The following PIP4K2A variants were observed in gnomAD, a reference collection of about 807,000 sequenced individuals.
PIP4K2A encodes the protein phosphatidylinositol-5-phosphate 4-kinase type 2 alpha.
Under a neutral mutation model 42.9 loss-of-function variants are expected in PIP4K2A, and 14 were observed. The ratio of observed to expected loss-of-function variants is 0.33; its 90% confidence interval spans 0.22 to 0.51. The LOEUF is 0.51. PIP4K2A is among the 20% of genes least tolerant of loss of function. PIP4K2A has a pLI of 0.97. For missense variants in PIP4K2A, 434 were observed against 519.8 expected (o/e 0.83, Z 1.61); for synonymous variants, 192 against 192.2 (o/e 1.00, Z 0.01).
At chr10:22,640,011 TGTC>T (rs1363410815) in intron 1 of PIP4K2A, among the ~76,000 whole-genome samples, 11 of 123,948 alleles carry the variant, frequency 8.9e-5, no homozygotes, top group African/African-American at 3.6e-4. Flanking sequence ...ATGGATGTGT[TGTC>T]TTTTTTTTTT....
At chr10:22,613,095 G>T (rs150679898) in intron 1 of PIP4K2A, among the ~76,000 whole-genome samples, 1 of 152,262 alleles carries the variant, frequency 6.6e-6, no homozygotes, top group Non-Finnish European at 1.5e-5. Context: ...GGAGTGAAGG[G>T]AAAAGGGGGT....
chr10:22,656,779 A>G (rs964246837), intron 1 of PIP4K2A, among the ~76,000 whole-genome samples: 1 of 151,216 alleles, frequency 6.6e-6, no homozygotes, highest in African/African-American at 2.4e-5. Flanking sequence ...CCTGGGTGAG[A>G]AGAGCCAGAC....
intron 8 of PIP4K2A, among the ~76,000 whole-genome samples, chr10:22,540,427 T>C (rs1269442015): frequency 6.6e-6 from 1 of 152,132 alleles, no homozygotes; most frequent in African/African-American, 2.4e-5. Context: ...TGAAGAAATA[T>C]GCTATTTAAA....
intron 6 of PIP4K2A, among the ~76,000 whole-genome samples, chr10:22,552,814 T>C (rs1226058274): frequency 6.6e-6 from 1 of 151,892 alleles, no homozygotes; most frequent in Non-Finnish European, 1.5e-5. Flanking sequence ...TGGGTGGGGG[T>C]GTTAAGGATA....
chr10:22,609,440 A>G (rs1837982779), intron 2 of PIP4K2A, among the ~76,000 whole-genome samples, 180 bp downstream of exon 2: 1 of 152,264 alleles, frequency 6.6e-6, no homozygotes. Flanking sequence ...AAAGGATATT[A>G]TCCCAGAGAG....
intron 1 of PIP4K2A, among the ~76,000 whole-genome samples, chr10:22,631,195 G>C (rs886146924): frequency 1.3e-5 from 2 of 152,150 alleles, no homozygotes; most frequent in African/African-American, 2.4e-5. Context: ...TGTAAATAGT[G>C]ATAATAACAG....
chr10:22,635,943 T>G (rs1437101528), intron 1 of PIP4K2A, among the ~76,000 whole-genome samples: 1 of 152,224 alleles, frequency 6.6e-6, no homozygotes, highest in Non-Finnish European at 1.5e-5. Context: ...TGTCCACAGA[T>G]TATTCATGTG....
intron 1 of PIP4K2A, among the ~76,000 whole-genome samples, chr10:22,675,826 C>G (rs1839546865): frequency 6.6e-6 from 1 of 152,192 alleles, no homozygotes; most frequent in Non-Finnish European, 1.5e-5. Context: ...TAGTTCCTGG[C>G]TGTCATCCTT....
At position 22,574,142 on chromosome 10, in the gene PIP4K2A, C is replaced by T. The variant is rs571324515; in HGVS notation, c.493-685G>A. Among the ~76,000 whole-genome samples the T allele has an allele frequency of 3.3e-5, 5 of 151,974 alleles. No individual in the cohort carries two copies. In the South Asian group the frequency reaches 1.0e-3, roughly 32 times the overall value. ...ACCTTGGCTGTTTTTCATGACCAAA[C>T]TCCAGAGGGCCACAAGATGGAGCCA... is the stretch of plus-strand genomic sequence containing the variant. On this transcript the variant is annotated intron_variant, in intron 4 of 9. Coordinates refer to ENST00000376573, the MANE Select transcript of PIP4K2A (RefSeq NM_005028.5).
rs57671642 is a variant in PIP4K2A, at chr10:22,627,591, TAAAAAAAAAAAAAAAAA to T, written c.145-17891_145-17875del. Among the ~76,000 whole-genome samples the T allele has an allele frequency of 4.5e-3, 254 of 57,032 alleles. 1 individual carries two copies. The highest frequency in any genetic ancestry group is 0.031 in the Admixed American group (106 of 3,416). 37.4% of individuals were successfully genotyped at this position (57,032 alleles called of 152,430 possible). On this transcript the variant is annotated intron_variant, in intron 1 of 9. Transcript: ENST00000376573. The stretch of plus-strand genomic sequence containing the variant: ...TGTTTAACCAAAAGCTAATATGTAA[TAAAAAAAAAAAAAAAAA>T]AAAAAAAAAAAAAAAAAAAAAAAGA...
chr10:22,667,637 G>A (rs1839373374), intron 1 of PIP4K2A, among the ~76,000 whole-genome samples: 1 of 152,030 alleles, frequency 6.6e-6, no homozygotes, highest in South Asian at 2.1e-4. Flanking sequence ...AATCTGGGAG[G>A]TTATAAAATT....
intron 1 of PIP4K2A, among the ~76,000 whole-genome samples, chr10:22,674,415 CAAA>C (rs1002492534): frequency 3.3e-5 from 2 of 61,130 alleles, no homozygotes; most frequent in Middle Eastern, 0.014. Context: ...CACTTGGGAG[CAAA>C]AAAAAAAAAA....
At chr10:22,567,242 ACTCT>A (rs1372443577) in intron 6 of PIP4K2A, among the ~76,000 whole-genome samples, 1 of 152,168 alleles carries the variant, frequency 6.6e-6, no homozygotes, top group Non-Finnish European at 1.5e-5. Flanking sequence ...CTTCAAGTTG[ACTCT>A]CTCTATAATC....
intron 6 of PIP4K2A, among the ~76,000 whole-genome samples, chr10:22,562,299 A>G (rs1236628469): frequency 6.6e-6 from 1 of 152,244 alleles, no homozygotes; most frequent in Non-Finnish European, 1.5e-5. Context: ...CTGTAATCCC[A>G]GCACTTTGGG....
chr10:22,635,618 A>T (rs1838645789), intron 1 of PIP4K2A, among the ~76,000 whole-genome samples: 1 of 152,140 alleles, frequency 6.6e-6, no homozygotes, highest in Middle Eastern at 3.2e-3. Context: ...TGGCTGAAGA[A>T]CTTAAAAGGC....
intron 7 of PIP4K2A, among the ~76,000 whole-genome samples, chr10:22,547,605 G>T (rs1836288674): frequency 6.6e-6 from 1 of 152,184 alleles, no homozygotes; most frequent in Non-Finnish European, 1.5e-5. Context: ...CCATCTCCAT[G>T]GATGGGGGGC....
At chr10:22,569,073 T>G in intron 5 of PIP4K2A, 1 of 1,527,756 alleles carries the variant, frequency 6.5e-7, no homozygotes, top group Non-Finnish European at 8.8e-7. Context: ...AAATCAAAAT[T>G]TTTGATTACT....
chr10:22,602,264 A>G (rs1049931084), intron 3 of PIP4K2A, among the ~76,000 whole-genome samples: 2 of 151,890 alleles, frequency 1.3e-5, no homozygotes, highest in African/African-American at 4.8e-5. Flanking sequence ...ATAGTGGCAC[A>G]TACCTGTAGT....
intron 1 of PIP4K2A, among the ~76,000 whole-genome samples, chr10:22,698,469 G>A (rs1316481812): frequency 1.3e-5 from 2 of 152,132 alleles, no homozygotes; most frequent in Non-Finnish European, 2.9e-5. Context: ...TCTCTTCTAA[G>A]GAAATCATCC....
Sources: gnomAD v4.1 joint callset for allele counts (sites outside exome capture counted in the v4.1 genomes callset) on GRCh38, gnomAD v4.1.1 for gene constraint, MANE v1.5 for transcripts, NCBI Gene and HGNC (gene_info 2026-07-23, HGNC 2026-07-21) for gene names.